Variants in TMC1 observed in about 807,000 individuals in gnomAD.
TMC1 encodes transmembrane channel like 1.
Under a neutral mutation model 105.8 loss-of-function variants are expected in TMC1, and 84 were observed. That is an observed-to-expected ratio of 0.79 (90% CI 0.67 to 0.95). TMC1 has a LOEUF of 0.95. Ranked by LOEUF, TMC1 falls within the 40% of genes least tolerant of loss-of-function variation. The pLI, the probability that TMC1 is intolerant of heterozygous loss-of-function variation, is 0.00. For synonymous variants in TMC1, 315 were observed against 311.5 expected, an observed-to-expected ratio of 1.01 and a Z score of -0.12; for missense variants, 817 against 914.1, an observed-to-expected ratio of 0.89 and a Z score of 1.37.
Position 72,570,685 on chromosome 9 carries a change from T to C in TMC1, c.-427-7217T>C, listed in dbSNP as rs1159708862. Among the ~76,000 whole-genome samples, 56 of 120,868 alleles carry C rather than the reference T, an allele frequency of 4.6e-4. 1 individual carries two copies. The South Asian group carries it at 0.017, about 36-fold the overall frequency. The allele number at this position is 120,868 out of a possible 152,430, so 79.3% of individuals were successfully genotyped here. On this transcript the variant is annotated intron_variant, in intron 1 of 23. Coordinates refer to ENST00000297784, the MANE Select transcript of TMC1 (RefSeq NM_138691.3). Reference sequence around the variant, plus strand: ...CACTTTGCCAAATTTCCTTTTTTTTTTTTTTTTTTTTTTTTTTTTTTGAGA... The same window carrying C: ...CACTTTGCCAAATTTCCTTTTTTTTCTTTTTTTTTTTTTTTTTTTTTGAGA...
At chr9:72,812,618 G>A (rs1348605307) in intron 18 of TMC1, among the ~76,000 whole-genome samples, 1 of 152,222 alleles carries the variant, frequency 6.6e-6, no homozygotes, top group Non-Finnish European at 1.5e-5. Flanking sequence ...GCCCGAGAAT[G>A]TGCTTTTCTG....
rs1014720678 is a variant in TMC1, at chr9:72,721,711, C to T, written c.363-18408C>T. 3.9e-5 allele frequency among the ~76,000 whole-genome samples: 6 copies of T among 152,154 alleles called. No individual in the cohort carries two copies. The East Asian group carries it at 7.7e-4, about 20-fold the overall frequency. ...TGCCTATGAATTTCACCTGACTATT[C>T]CAAGCCAAGAGCTACTTATTATCTA... On this transcript the variant is annotated intron_variant, in intron 8 of 23. Transcript: ENST00000297784.
chr9:72,791,926 CA>C lies in TMC1; in HGVS notation c.1266del (p.Leu423CysfsTer8). 4 of 1,613,594 alleles carry C rather than the reference CA, an allele frequency of 2.5e-6. No homozygotes were observed. The highest frequency in any genetic ancestry group is 3.4e-6 in the Non-Finnish European group (4 of 1,179,916). On this transcript the variant is annotated frameshift_variant, in exon 16 of 24. Transcript: ENST00000297784. LOFTEE classifies it high-confidence loss of function. ...VMSLLGMFCPTLFDLFAELED... is the reference protein window; with the variant it reads ...VMSLLGMFCPXLFDLFAELED... ...TCCCTCCTAGGGATGTTCTGTCCAA[CA>C]TTGTTTGACTTATTTGCTGAATTAG... is the stretch of plus-strand genomic sequence containing the variant.
At chr9:72,563,293 C>T (rs1469829091) in intron 1 of TMC1, among the ~76,000 whole-genome samples, 1 of 152,010 alleles carries the variant, frequency 6.6e-6, no homozygotes, top group Non-Finnish European at 1.5e-5. Flanking sequence ...ATAGGGAGCC[C>T]CAGAAATTGT....
intron 21 of TMC1, among the ~76,000 whole-genome samples, chr9:72,830,236 A>G (rs1238414607): frequency 1.3e-5 from 2 of 152,196 alleles, no homozygotes; most frequent in Non-Finnish European, 2.9e-5. Flanking sequence ...CCAACTTTCC[A>G]ACTTCACCCC....
At chr9:72,812,094 C>T (rs539423154) in intron 18 of TMC1, among the ~76,000 whole-genome samples, 1 of 152,294 alleles carries the variant, frequency 6.6e-6, no homozygotes, top group Non-Finnish European at 1.5e-5. Flanking sequence ...GTTGAATTTA[C>T]ACCGTAATGC....
Position 72,820,925 on chromosome 9 carries a change from T to G in TMC1, c.1847T>G (p.Val616Gly), listed in dbSNP as rs932693448. 1 of 1,614,152 alleles carries G rather than the reference T, an allele frequency of 6.2e-7. No homozygotes were observed. The highest frequency in any genetic ancestry group is 8.5e-7 in the Non-Finnish European group (1 of 1,180,018). The change falls in exon 20 of 24, where the codon GTT becomes GGT. Residue 616 changes from valine to glycine, a missense_variant. Val to Gly is a moderately radical substitution (Grantham distance 109). Coordinates refer to ENST00000297784, the MANE Select transcript of TMC1 (RefSeq NM_138691.3). Reference sequence around the variant, plus strand: ...TCCATGTACTTCCAGTGCTGGGCCGTTATGTGCTGCAATGTTCCTGAGGCC... The same window carrying G: ...TCCATGTACTTCCAGTGCTGGGCCGGTATGTGCTGCAATGTTCCTGAGGCC... ...HTSMYFQCWA[V>G]MCCNVPEARV...
At chr9:72,814,139 C>T (rs1828745809) in intron 18 of TMC1, among the ~76,000 whole-genome samples, 1 of 152,118 alleles carries the variant, frequency 6.6e-6, no homozygotes, top group Non-Finnish European at 1.5e-5. Flanking sequence ...TTTGGTGGGC[C>T]ACCTCATGAT....
At position 72,706,778 on chromosome 9, in the gene TMC1, C is replaced by CTT. The variant is rs370448287; in HGVS notation, c.362+6148_362+6149dup. Among the ~76,000 whole-genome samples the CTT allele has an allele frequency of 2.9e-4, 42 of 142,706 alleles. 1 individual carries two copies. Among genetic ancestry groups the CTT allele is most frequent in the Admixed American group, 7.7e-4 (11 of 14,208 alleles). 93.6% of individuals were successfully genotyped at this position (142,706 alleles called of 152,430 possible). On this transcript the variant is annotated intron_variant, in intron 8 of 23. Coordinates refer to ENST00000297784, the MANE Select transcript of TMC1 (RefSeq NM_138691.3). ...TCTTTCTTTTTCTTTTTCTTTCTTTCTTTTTTTTTTTTTTGAGATGGGATC... is the reference window on the plus strand; with the variant it reads ...TCTTTCTTTTTCTTTTTCTTTCTTTCTTTTTTTTTTTTTTTTGAGATGGGATC...
At chr9:72,745,627 T>C (rs1489474696) in intron 10 of TMC1, among the ~76,000 whole-genome samples, 3 of 152,146 alleles carry the variant, frequency 2.0e-5, no homozygotes, top group East Asian at 3.8e-4. Context: ...TGAAAAAATA[T>C]GAAACCTATG....
chr9:72,611,892 G>A (rs761552048), intron 2 of TMC1, among the ~76,000 whole-genome samples: 3 of 151,938 alleles, frequency 2.0e-5, no homozygotes, highest in Non-Finnish European at 4.4e-5. Context: ...GTATATTAAG[G>A]CTCTATGTGG....
intron 17 of TMC1, among the ~76,000 whole-genome samples, chr9:72,796,899 A>G (rs1399249536): frequency 1.3e-5 from 2 of 152,182 alleles, no homozygotes; most frequent in African/African-American, 2.4e-5. Flanking sequence ...AAAGAAATGA[A>G]GGGTATCAAA....
chr9:72,801,591 A>G (rs953847576), intron 17 of TMC1, among the ~76,000 whole-genome samples: 15 of 152,160 alleles, frequency 9.9e-5, no homozygotes, highest in African/African-American at 3.6e-4. Flanking sequence ...TTCCTTGCCT[A>G]TTGTTTTCCC....
At chr9:72,559,857 A>G (rs941551078) in intron 1 of TMC1, among the ~76,000 whole-genome samples, 16 of 152,234 alleles carry the variant, frequency 1.1e-4, no homozygotes, top group East Asian at 3.8e-4. Flanking sequence ...TGCTTTGGAT[A>G]TTAAGAAGTG....
At chr9:72,725,325 GTATATATATATATATATA>G (rs57562145) in intron 8 of TMC1, among the ~76,000 whole-genome samples, 833 of 77,682 alleles carry the variant, frequency 0.011, 21 homozygotes, top group African/African-American at 0.025. Flanking sequence ...ATGTGTGTAT[GTATATATATATATATATA>G]TATATATATA....
At chr9:72,792,093 C>T in intron 16 of TMC1, 28 bp downstream of exon 16, 4 of 1,613,580 alleles carry the variant, frequency 2.5e-6, no homozygotes, top group South Asian at 1.1e-5. Context: ...ATTGTCCTTG[C>T]CATAAGAGTG....
rs191962062 is a variant in TMC1, at chr9:72,835,999, G to C, written c.*26G>C. 1.7e-4 allele frequency: 267 copies of C among 1,590,344 alleles called. 1 individual carries two copies. In the East Asian group the frequency reaches 5.9e-3, roughly 35 times the overall value. ...TAAGTATCCTGAGAGCCCAGAAAAGGTACACTTTGCCTTGCTGTTTAAAAG... is the reference window on the plus strand; with the variant it reads ...TAAGTATCCTGAGAGCCCAGAAAAGCTACACTTTGCCTTGCTGTTTAAAAG... On this transcript the variant is annotated 3_prime_UTR_variant, in exon 24 of 24. Transcript: ENST00000297784.
chr9:72,802,886 T>A (rs1182577744), intron 17 of TMC1, among the ~76,000 whole-genome samples: 1 of 152,146 alleles, frequency 6.6e-6, no homozygotes, highest in East Asian at 1.9e-4. Flanking sequence ...AAAACATTTT[T>A]AAATTCATAT....
intron 17 of TMC1, among the ~76,000 whole-genome samples, chr9:72,795,311 T>G (rs1036346415): frequency 6.6e-6 from 1 of 152,098 alleles, no homozygotes; most frequent in Non-Finnish European, 1.5e-5. Context: ...TCCTGCAAGA[T>G]TCTACACAGG....
Sources: gnomAD v4.1 joint callset for allele counts (sites outside exome capture counted in the v4.1 genomes callset) on GRCh38, gnomAD v4.1.1 for gene constraint, MANE v1.5 for transcripts, NCBI Gene and HGNC (gene_info 2026-07-23, HGNC 2026-07-21) for gene names.